The following CNRIP1 variants were observed in gnomAD, a reference collection of about 807,000 sequenced individuals.
CNRIP1 encodes the protein CB1 cannabinoid receptor-interacting protein 1.
In CNRIP1, 10 loss-of-function variants were observed where a neutral mutation model predicts 15.2. The ratio of observed to expected loss-of-function variants is 0.66; its 90% CI spans 0.41 to 1.12. The LOEUF is 1.12. Among genes scored for constraint, CNRIP1 ranks in the 50% most tolerant of loss-of-function variants. The pLI is 0.00. For synonymous variants in CNRIP1, 91 were observed against 83.2 expected (o/e 1.09, Z -0.51); for missense variants, 211 against 214.7 (o/e 0.98, Z 0.11).
At chr2:68,296,056 A>G (rs962022526) in intron 2 of CNRIP1, among the ~76,000 whole-genome samples, 2 of 152,218 alleles carry the variant, frequency 1.3e-5, no homozygotes, top group Non-Finnish European at 2.9e-5. Flanking sequence ...TCCATTTATA[A>G]TTTATCTTAA....
At chr2:68,296,589 G>A (rs1671366524) in intron 2 of CNRIP1, among the ~76,000 whole-genome samples, 1 of 130,680 alleles carries the variant, frequency 7.7e-6, no homozygotes, top group Non-Finnish European at 1.7e-5. Flanking sequence ...TGTATTTAAT[G>A]TTAGAAATCC....
At chr2:68,305,003 G>A (rs146466639) in intron 2 of CNRIP1, among the ~76,000 whole-genome samples, 1 of 152,188 alleles carries the variant, frequency 6.6e-6, no homozygotes, top group African/African-American at 2.4e-5. Flanking sequence ...CCACCACTTT[G>A]CGAAGCCGAG....
chr2:68,318,165 A>C lies in CNRIP1; in HGVS notation c.180-858T>G, dbSNP rs528756229. ...CATGGAGCTGTGGGGGATGCTGACAAATAGATGAATCAGGAGTACCAGAAA... is the reference window on the plus strand; with the variant it reads ...CATGGAGCTGTGGGGGATGCTGACACATAGATGAATCAGGAGTACCAGAAA... On this transcript the variant is annotated intron_variant, in intron 1 of 2. Coordinates refer to ENST00000263655, the MANE Select transcript of CNRIP1 (RefSeq NM_015463.3). Among the ~76,000 whole-genome samples, 33 of 152,184 alleles carry C rather than the reference A, an allele frequency of 2.2e-4. No homozygotes were observed. In the South Asian group the frequency reaches 6.0e-3, roughly 28 times the overall value.
In CNRIP1 at chr2:68,293,617, T is replaced by G; in HGVS notation, c.*245A>C. ...GGTCAAAAGTATGACCGAGAACAAC[T>G]GGATGCAGGAACATCAGCACAAAAT... On this transcript the variant is annotated 3_prime_UTR_variant, in exon 3 of 3. Coordinates refer to ENST00000263655, the MANE Select transcript of CNRIP1 (RefSeq NM_015463.3). The G allele has an allele frequency of 8.5e-7, 1 of 1,174,958 alleles. No homozygotes were observed. Among genetic ancestry groups the G allele is most frequent in the African/African-American group, 1.5e-5 (1 of 65,016 alleles). The allele number at this position is 1,174,958 out of a possible 1,614,324, so 72.8% of individuals were successfully genotyped here.
intron 2 of CNRIP1, 84 bp downstream of exon 2, chr2:68,317,073 T>C (rs1420341801): frequency 6.5e-7 from 1 of 1,543,346 alleles, no homozygotes; most frequent in African/African-American, 1.4e-5. Context: ...ACACCTTTTC[T>C]TACAGAGAGA....
chr2:68,295,824 C>G (rs1404631056), intron 2 of CNRIP1, among the ~76,000 whole-genome samples: 1 of 152,130 alleles, frequency 6.6e-6, no homozygotes, highest in African/African-American at 2.4e-5. Context: ...GGTTACATGG[C>G]TGTACATATA....
chr2:68,301,498 T>C (rs557432682), intron 2 of CNRIP1, among the ~76,000 whole-genome samples: 20 of 152,274 alleles, frequency 1.3e-4, no homozygotes, highest in Middle Eastern at 3.4e-3. Context: ...CTATTCAGCA[T>C]TGCATTCCAG....
In CNRIP1 at chr2:68,313,955, C is replaced by T. The variant is rs372019394; in HGVS notation, c.330+3202G>A. On this transcript the variant is annotated intron_variant, in intron 2 of 2. Coordinates refer to ENST00000263655, the MANE Select transcript of CNRIP1 (RefSeq NM_015463.3). ...GGCTTCTCATCCATTAGAATACATA[C>T]GCTGTCTCCAGCTCTTGACTTTTAC... 3.9e-4 allele frequency among the ~76,000 whole-genome samples: 59 copies of T among 152,242 alleles called. 1 individual carries two copies. Among genetic ancestry groups the T allele is most frequent in the African/African-American group, 1.2e-3 (49 of 41,570 alleles).
chr2:68,305,257 A>T (rs202129948), intron 2 of CNRIP1, among the ~76,000 whole-genome samples: 2,341 of 56,966 alleles, frequency 0.041, 56 homozygotes, highest in Middle Eastern at 0.056. Flanking sequence ...AAAAAAAAAA[A>T]AAATATATAT....
intron 2 of CNRIP1, among the ~76,000 whole-genome samples, chr2:68,311,367 A>C (rs1447998279): frequency 6.7e-6 from 1 of 149,522 alleles, no homozygotes; most frequent in East Asian, 1.9e-4. Context: ...TGAAGTAGAA[A>C]AACAGAGTGA....
rs1184610860 is a variant in CNRIP1, at chr2:68,284,431, T to G, written c.384A>C (p.Glu128Asp). 3 of 1,518,398 alleles carry G rather than the reference T, an allele frequency of 2.0e-6. No individual in the cohort carries two copies. In the African/African-American group the frequency reaches 4.2e-5, roughly 21 times the overall value. 94.1% of individuals were successfully genotyped at this position (1,518,398 alleles called of 1,614,324 possible). The stretch of plus-strand genomic sequence containing the variant: ...TGGCACACATTGAAGAATGTGCTTA[T>G]TCTTCACATTCATATGTAAGAGAGA... Residue 128 changes from glutamate (E) to aspartate (D), a missense_variant, in exon 3 of 3, where the codon GAA (glutamate) becomes GAC (aspartate). Glu to Asp is a conservative substitution (Grantham distance 45). Coordinates refer to the CNRIP1 transcript ENST00000409559.
At chr2:68,292,199 G>A (rs759254384), downstream of CNRIP1, among the ~76,000 whole-genome samples, 1 of 151,818 alleles carries the variant, frequency 6.6e-6, no homozygotes, top group Admixed American at 6.6e-5. Flanking sequence ...TAGTACTTAC[G>A]TTTTAGCAAT....
At chr2:68,288,509 A>T (rs1339862429), downstream of CNRIP1, among the ~76,000 whole-genome samples, 1 of 152,208 alleles carries the variant, frequency 6.6e-6, no homozygotes, top group East Asian at 1.9e-4. Flanking sequence ...GGCCAAAAAT[A>T]CTGTATTTTT....
intron 2 of CNRIP1, among the ~76,000 whole-genome samples, chr2:68,298,200 TA>T (rs1411604122): frequency 6.6e-6 from 1 of 152,190 alleles, no homozygotes; most frequent in Non-Finnish European, 1.5e-5. Context: ...GATTTAGTAT[TA>T]TTTTTGACCA....
intron 2 of CNRIP1, among the ~76,000 whole-genome samples, chr2:68,285,633 T>A (rs113157360): frequency 0.014 from 1,935 of 135,146 alleles, 43 homozygotes; most frequent in African/African-American, 0.051. Context: ...CAGCATGGGC[T>A]GTTACAGAGC....
At chr2:68,286,822 C>T (rs1252090507) in intron 2 of CNRIP1, among the ~76,000 whole-genome samples, 1 of 152,186 alleles carries the variant, frequency 6.6e-6, no homozygotes, top group Non-Finnish European at 1.5e-5. Flanking sequence ...CTCACAATAG[C>T]TATATGACCT....
At chr2:68,306,124 C>CAAAAAAAAAAAAAAAAAAAAAAAAAA (rs61586261) in intron 2 of CNRIP1, among the ~76,000 whole-genome samples, 9 of 25,340 alleles carry the variant, frequency 3.6e-4, no homozygotes, top group Non-Finnish European at 5.6e-4. Flanking sequence ...CCCACCTCTA[C>CAAAAAAAAAAAAAAAAAAAAAAAAAA]AAAAAAAAAA....
At chr2:68,305,118 C>T (rs188239753) in intron 2 of CNRIP1, among the ~76,000 whole-genome samples, 80 of 151,900 alleles carry the variant, frequency 5.3e-4, no homozygotes, top group African/African-American at 1.8e-3. Context: ...GTGGCACATG[C>T]CTGCAATCCC....
chr2:68,297,297 T>C (rs1186039974), intron 2 of CNRIP1, among the ~76,000 whole-genome samples: 1 of 152,142 alleles, frequency 6.6e-6, no homozygotes, highest in Non-Finnish European at 1.5e-5. Flanking sequence ...CTGGGCGCAG[T>C]GGCTCATGCC....
Sources: allele counts gnomAD v4.1 joint callset (sites outside exome capture counted in the v4.1 genomes callset), GRCh38; gene constraint gnomAD v4.1.1; transcripts MANE v1.5; gene names NCBI Gene and HGNC (gene_info 2026-07-23, HGNC 2026-07-21).